ZNF585A: variants seen among roughly 807,000 people sequenced by gnomAD.
ZNF585A encodes zinc finger protein 585A.
ZNF585A carries 9 observed loss-of-function variants against 14.9 expected under a neutral mutation model. The ratio of observed to expected loss-of-function variants is 0.60; its 90% CI spans 0.36 to 1.05. The LOEUF (loss-of-function observed/expected upper bound fraction) is 1.05, where lower values mean the gene tolerates loss of function less well. Among genes scored for constraint, ZNF585A ranks in the 50% least tolerant of loss-of-function variants. The probability of loss-of-function intolerance (pLI) is 0.01; values close to 1 mark genes in which losing one functional copy is unlikely to be tolerated. For synonymous variants in ZNF585A, 276 were observed against 319.9 expected, an observed-to-expected ratio of 0.86 and a Z score of 1.46; for missense variants, 726 against 926.4, an observed-to-expected ratio of 0.78 and a Z score of 2.81.
In ZNF585A at chr19:37,152,378, T is replaced by C. The variant is rs1428986520; in HGVS notation, c.1521A>G (p.Ser507=). The change falls in exon 5 of 5, where the codon TCA becomes TCG. Residue 507 remains serine (S), a synonymous_variant. Coordinates refer to ENST00000292841, the MANE Select transcript of ZNF585A (RefSeq NM_001288800.2). ...GGATTCTCTGATGTGTAATCAAGTC[T>C]GACCTCTGGGTGAAGGCCTTTCCAC... is the stretch of plus-strand genomic sequence containing the variant. ...SKCGKAFTQR[S]DLITHQRIHT... is the part of the protein sequence containing the mutation. 2 of 1,614,076 alleles carry C rather than the reference T, an allele frequency of 1.2e-6. No individual in the cohort carries two copies. Among genetic ancestry groups the C allele is most frequent in the East Asian group, 2.2e-5 (1 of 44,856 alleles).
At position 37,153,422 on chromosome 19, in the gene ZNF585A, T is replaced by C. The variant is rs755424594; in HGVS notation, c.477A>G (p.Val159=). 9.9e-6 allele frequency: 16 copies of C among 1,614,198 alleles called. No individual in the cohort carries two copies. Among genetic ancestry groups the C allele is most frequent in the East Asian group, 4.5e-5 (2 of 44,880 alleles). Residue 159 remains valine, a synonymous_variant, in exon 5 of 5, where the codon GTA becomes GTG. Coordinates refer to ENST00000292841, the MANE Select transcript of ZNF585A (RefSeq NM_001288800.2). ...CAAAAGCCTTCCCACATTCAATGCA[T>C]ACATAGAGCTTTTCTCCTGCAAGAA... The part of the protein sequence containing the change: ...LKVLAGEKLY[V]CIECGKAFVQ...
At chr19:37,165,143 C>T (rs995065496) in intron 2 of ZNF585A, among the ~76,000 whole-genome samples, 2 of 152,006 alleles carry the variant, frequency 1.3e-5, no homozygotes, top group Non-Finnish European at 2.9e-5. Flanking sequence ...GGGTGGATCA[C>T]GAGGTCAAAG....
intron 2 of ZNF585A, among the ~76,000 whole-genome samples, chr19:37,167,022 C>T (rs747975323): frequency 2.0e-4 from 30 of 151,852 alleles, no homozygotes; most frequent in Non-Finnish European, 2.5e-4. Context: ...TTTGTAGAGA[C>T]GGGGTTTCAC....
chr19:37,157,415 A>C (rs1971948391), intron 2 of ZNF585A, among the ~76,000 whole-genome samples: 1 of 152,232 alleles, frequency 6.6e-6, no homozygotes, highest in Non-Finnish European at 1.5e-5. Flanking sequence ...AGCAACTTAA[A>C]AGACTTGGAA....
chr19:37,156,360 A>G lies in ZNF585A; in HGVS notation c.73-5T>C. ...ATCCCTGAAGGACACTGATCCCTGT[A>G]AGGGCAAATTCTTGTTCAATGTGCA... On this transcript the variant is annotated splice_polypyrimidine_tract_variant and splice_region_variant and intron_variant, in intron 2 of 4. Transcript: ENST00000292841. The G allele has an allele frequency of 6.2e-7, 1 of 1,614,148 alleles. No individual in the cohort carries two copies. Among genetic ancestry groups the G allele is most frequent in the Admixed American group, 1.7e-5 (1 of 60,020 alleles).
rs1371416011 is a variant in ZNF585A, at chr19:37,145,645, C to A, written c.*5944G>T. 6.6e-6 allele frequency: 1 copy of A among 152,086 alleles called. No homozygotes were observed. Among genetic ancestry groups the A allele is most frequent in the African/African-American group, 2.4e-5 (1 of 41,406 alleles). The allele number at this position is 152,086 out of a possible 1,614,324, so 9.4% of individuals were successfully genotyped here. Reference sequence around the variant, plus strand: ...ATTTCACAAATGTAAACAGAGAGCACAATTTTTTGTTTTAATAGCAGCATT... The same window carrying A: ...ATTTCACAAATGTAAACAGAGAGCAAAATTTTTTGTTTTAATAGCAGCATT... On this transcript the variant is annotated 3_prime_UTR_variant, in exon 5 of 5. Coordinates refer to ENST00000292841, the MANE Select transcript of ZNF585A (RefSeq NM_001288800.2).
chr19:37,151,279 CTTT>C lies in ZNF585A; in HGVS notation c.*307_*309del, dbSNP rs1971824746. On this transcript the variant is annotated 3_prime_UTR_variant, in exon 5 of 5. Coordinates refer to ENST00000292841, the MANE Select transcript of ZNF585A (RefSeq NM_001288800.2). ...AGGATTATCGTTAACTTAATACGAT[CTTT>C]CTTAGGAAGAATTTGGTAACAGTAT... 1 of 445,968 alleles carries C rather than the reference CTTT, an allele frequency of 2.2e-6. No individual in the cohort carries two copies. Among genetic ancestry groups the C allele is most frequent in the African/African-American group, 2.0e-5 (1 of 50,098 alleles). 27.6% of individuals were successfully genotyped at this position (445,968 alleles called of 1,614,324 possible).
In ZNF585A at chr19:37,153,302, C is replaced by T. The variant is rs182259444; in HGVS notation, c.597G>A (p.Ser199=). Reference sequence around the variant, plus strand: ...GAATTCTCTGATGCCTGAAGAGGGACGACACTTGAAAAAAGGATTTTCCAC... The same window carrying T: ...GAATTCTCTGATGCCTGAAGAGGGATGACACTTGAAAAAAGGATTTTCCAC... ...NECGKSFFQV[S]SLFRHQRIHT... is the part of the protein sequence containing the mutation. The change falls in exon 5 of 5, where the codon TCG becomes TCA. Residue 199 remains serine (S), a synonymous_variant. Coordinates refer to ENST00000292841, the MANE Select transcript of ZNF585A (RefSeq NM_001288800.2). The T allele has an allele frequency of 3.4e-5, 55 of 1,613,974 alleles. No individual in the cohort carries two copies. In the East Asian group the frequency reaches 5.1e-4, roughly 15 times the overall value.
intron 2 of ZNF585A, chr19:37,165,326 C>A (rs1434670553): frequency 6.6e-6 from 1 of 150,944 alleles, no homozygotes; most frequent in Non-Finnish European, 1.5e-5. Flanking sequence ...CATCACTACA[C>A]TCTAGCCTGA....
intron 1 of ZNF585A, among the ~76,000 whole-genome samples, chr19:37,171,083 C>T (rs1199476426): frequency 3.9e-5 from 6 of 152,142 alleles, no homozygotes; most frequent in Admixed American, 3.3e-4. Flanking sequence ...ATATAACTGG[C>T]TGGCCACCTG....
In ZNF585A at chr19:37,153,089, G is replaced by A. The variant is rs775617175; in HGVS notation, c.810C>T (p.Tyr270=). The change falls in exon 5 of 5, where the codon TAC becomes TAT. Residue 270 remains tyrosine, a synonymous_variant. Coordinates refer to ENST00000292841, the MANE Select transcript of ZNF585A (RefSeq NM_001288800.2). ...AGGCCTGTCCGCATTCAATACAGAT[G>A]TAGGATCTCTCGCCTGTATGGATTT... ...HQKIHTGERS[Y]ICIECGQAFI... The A allele has an allele frequency of 3.1e-6, 5 of 1,614,156 alleles. No homozygotes were observed. The South Asian group carries it at 3.3e-5, about 11-fold the overall frequency.
intron 2 of ZNF585A, among the ~76,000 whole-genome samples, chr19:37,163,404 T>C (rs1972039576): frequency 6.9e-6 from 1 of 144,236 alleles, no homozygotes; most frequent in South Asian, 2.2e-4. Flanking sequence ...TATAGTGATA[T>C]AAATTTCTGA....
chr19:37,169,210 C>T (rs1285738990), intron 2 of ZNF585A, among the ~76,000 whole-genome samples: 1 of 151,738 alleles, frequency 6.6e-6, no homozygotes, highest in Non-Finnish European at 1.5e-5. Context: ...TAAAATTATA[C>T]CCATGAAATA....
chr19:37,167,596 T>TTTATA (rs914709877), intron 2 of ZNF585A, among the ~76,000 whole-genome samples: 2 of 133,038 alleles, frequency 1.5e-5, no homozygotes, highest in Non-Finnish European at 3.1e-5. Flanking sequence ...TTATTTTTAT[T>TTTATA]TTATTTTATT....
Position 37,159,904 on chromosome 19 carries a change from C to T in ZNF585A, c.73-3549G>A, listed in dbSNP as rs551328014. On this transcript the variant is annotated intron_variant, in intron 2 of 4. Coordinates refer to ENST00000292841, the MANE Select transcript of ZNF585A (RefSeq NM_001288800.2). ...AAATACACAGAGTTCTATGTATAGA[C>T]AGTAAAAATACAACCTATCAAAATC... Among the ~76,000 whole-genome samples the T allele has an allele frequency of 1.1e-4, 16 of 152,206 alleles. No homozygotes were observed. In the East Asian group the frequency reaches 2.7e-3, roughly 26 times the overall value.
chr19:37,167,589 T>TTTTTATTTTA (rs59039152), intron 2 of ZNF585A, among the ~76,000 whole-genome samples: 4,869 of 144,128 alleles, frequency 0.034, 244 homozygotes, highest in African/African-American at 0.11. Flanking sequence ...TTACTTTTTA[T>TTTTTATTTTA]TTTTATTTTA....
rs763843729 is a variant in ZNF585A at position 37,153,044 on chromosome 19, C to T, written c.855G>A (p.Leu285=). 3 of 1,614,098 alleles carry T rather than the reference C, an allele frequency of 1.9e-6. No individual in the cohort carries two copies. In the East Asian group the frequency reaches 6.7e-5, roughly 36 times the overall value. Reference sequence around the variant, plus strand: ...CAGTATGAATTCTTCGGTGTGCAATCAAATGGGTCTTCTGGATGAAGGCCT... The same window carrying T: ...CAGTATGAATTCTTCGGTGTGCAATTAAATGGGTCTTCTGGATGAAGGCCT... ...CGQAFIQKTH[L]IAHRRIHTGE... is the part of the protein sequence containing the mutation. The change falls in exon 5 of 5, where the codon TTG becomes TTA. Residue 285 remains leucine, a synonymous_variant. Transcript: ENST00000292841.
At chr19:37,160,546 T>G (rs1458729820) in intron 2 of ZNF585A, among the ~76,000 whole-genome samples, 4 of 151,836 alleles carry the variant, frequency 2.6e-5, no homozygotes, top group Non-Finnish European at 5.9e-5. Flanking sequence ...ATAAATTCAC[T>G]GATTGGTCTA....
chr19:37,159,521 T>C (rs946206494), intron 2 of ZNF585A, among the ~76,000 whole-genome samples: 2 of 152,108 alleles, frequency 1.3e-5, no homozygotes, highest in African/African-American at 4.8e-5. Flanking sequence ...TCCCTCACCT[T>C]AGCAATTTAT....
Sources: gnomAD v4.1 joint callset for allele counts (sites outside exome capture counted in the v4.1 genomes callset) on GRCh38, gnomAD v4.1.1 for gene constraint, MANE v1.5 for transcripts, NCBI Gene and HGNC (gene_info 2026-07-23, HGNC 2026-07-21) for gene names.